Variants in PRKCB observed in about 807,000 individuals in gnomAD.
PRKCB encodes protein kinase C beta type.
A neutral mutation model predicts 81.5 loss-of-function variants in PRKCB; 13 were observed. That is an observed-to-expected ratio of 0.16 (90% CI 0.10 to 0.25). The LOEUF is 0.25. Among genes scored for constraint, PRKCB ranks in the 10% least tolerant of loss-of-function variants. The probability of loss-of-function intolerance (pLI) is 1.00; values close to 1 mark genes in which losing one functional copy is unlikely to be tolerated. For synonymous variants in PRKCB, 335 were observed against 321.4 expected (o/e 1.04, Z -0.45); for missense variants, 509 against 875.7 (o/e 0.58, Z 5.29).
chr16:24,145,424 G>A (rs1249196963), intron 9 of PRKCB, among the ~76,000 whole-genome samples: 1 of 152,126 alleles, frequency 6.6e-6, no homozygotes, highest in Non-Finnish European at 1.5e-5. Flanking sequence ...CCAAAAAAGA[G>A]AGAAAAAGAG....
At chr16:24,105,741 G>A (rs1339122491) in intron 7 of PRKCB, among the ~76,000 whole-genome samples, 1 of 150,104 alleles carries the variant, frequency 6.7e-6, no homozygotes, top group Admixed American at 6.6e-5. Context: ...ATTCCATGGT[G>A]TATATATGCC....
intron 2 of PRKCB, among the ~76,000 whole-genome samples, chr16:23,928,771 T>C (rs1450923505): frequency 6.6e-6 from 1 of 151,800 alleles, no homozygotes; most frequent in East Asian, 1.9e-4. Context: ...CAGGCTGGAG[T>C]GCAATGGCAT....
intron 7 of PRKCB, among the ~76,000 whole-genome samples, chr16:24,095,046 A>G (rs1383681640): frequency 6.6e-6 from 1 of 152,154 alleles, no homozygotes; most frequent in Non-Finnish European, 1.5e-5. Flanking sequence ...CCCTTTAGAC[A>G]GGACATGGAT....
At chr16:24,092,706 C>T (rs1966390070) in intron 5 of PRKCB, 85 bp from the exon 6 acceptor site, 1 of 1,338,966 alleles carries the variant, frequency 7.5e-7, no homozygotes, top group South Asian at 1.4e-5. Flanking sequence ...TGCCAAAGAA[C>T]CTTCCACAAG....
At position 24,150,410 on chromosome 16, in the gene PRKCB, C is replaced by G. The variant is rs951857947; in HGVS notation, c.1066-4274C>G. ...GTATTCTCTGTTGAGGGACCCAGGACTGACTCCTCAGAGTACCCTAATTCA... is the reference window on the plus strand; with the variant it reads ...GTATTCTCTGTTGAGGGACCCAGGAGTGACTCCTCAGAGTACCCTAATTCA... On this transcript the variant is annotated intron_variant, in intron 9 of 16. Coordinates refer to ENST00000643927, the MANE Select transcript of PRKCB (RefSeq NM_002738.7). Among the ~76,000 whole-genome samples, 27 of 152,188 alleles carry G rather than the reference C, an allele frequency of 1.8e-4. 1 individual carries two copies. Among genetic ancestry groups the G allele is most frequent in the African/African-American group, 6.3e-4 (26 of 41,438 alleles).
chr16:23,837,312 G>A (rs1237477738), intron 1 of PRKCB, 63 bp from the exon 2 acceptor site: 4 of 1,600,314 alleles, frequency 2.5e-6, no homozygotes. Flanking sequence ...TGACTCTGTG[G>A]GTAACTAGCT....
At chr16:24,059,891 A>T (rs924866087) in intron 5 of PRKCB, among the ~76,000 whole-genome samples, 2 of 152,188 alleles carry the variant, frequency 1.3e-5, no homozygotes, top group African/African-American at 2.4e-5. Flanking sequence ...GTGCTCTTTC[A>T]GTGGCATAGT....
rs985332570 is a variant in PRKCB at position 23,836,423 on chromosome 16, C to T, written c.173+75C>T. The T allele has an allele frequency of 3.5e-6, 5 of 1,442,216 alleles. No individual in the cohort carries two copies. In the African/African-American group the frequency reaches 6.0e-5, roughly 17 times the overall value. The allele number at this position is 1,442,216 out of a possible 1,614,324, so 89.3% of individuals were successfully genotyped here. A position where few individuals can be genotyped will look rare whatever the true frequency, so the allele number is the denominator to read the frequency against. ...GCGCCAGGGACCCCCTCTCCGCGCC[C>T]TCTGCGCCCTCCGCGCCCTCCGCAC... On this transcript the variant is annotated intron_variant, in intron 1 of 16. Coordinates refer to ENST00000643927, the MANE Select transcript of PRKCB (RefSeq NM_002738.7).
At chr16:24,050,464 G>C (rs997370911) in intron 5 of PRKCB, among the ~76,000 whole-genome samples, 20 of 125,258 alleles carry the variant, frequency 1.6e-4, no homozygotes, top group Admixed American at 6.6e-4. Flanking sequence ...TAGGTTTTAT[G>C]TAACACACAC....
chr16:24,146,478 A>C (rs769543601), intron 9 of PRKCB, among the ~76,000 whole-genome samples: 1 of 152,212 alleles, frequency 6.6e-6, no homozygotes, highest in African/African-American at 2.4e-5. Flanking sequence ...TTCAGAAAAC[A>C]GTGAATTTCT....
intron 9 of PRKCB, among the ~76,000 whole-genome samples, chr16:24,152,116 C>G (rs1967089135): frequency 6.6e-6 from 1 of 152,072 alleles, no homozygotes; most frequent in African/African-American, 2.4e-5. Context: ...TTTCATGCTG[C>G]TGATAAAGAC....
intron 2 of PRKCB, among the ~76,000 whole-genome samples, chr16:23,892,302 C>G (rs1963307995): frequency 6.6e-6 from 1 of 152,118 alleles, no homozygotes; most frequent in South Asian, 2.1e-4. Flanking sequence ...GTGCTTTATG[C>G]CCTAGACTTT....
At chr16:24,208,894 G>A (rs951041119) in intron 16 of PRKCB, among the ~76,000 whole-genome samples, 6 of 152,198 alleles carry the variant, frequency 3.9e-5, no homozygotes, top group Admixed American at 6.5e-5. Flanking sequence ...CTGCTGATTA[G>A]CAGGGAAATC....
chr16:23,861,520 G>A (rs1047025145), intron 2 of PRKCB, among the ~76,000 whole-genome samples: 3 of 152,116 alleles, frequency 2.0e-5, no homozygotes, highest in African/African-American at 7.2e-5. Context: ...GAGGCTGGTG[G>A]TTCCAGGGTT....
intron 10 of PRKCB, among the ~76,000 whole-genome samples, chr16:24,166,352 C>A (rs929774629): frequency 1.4e-4 from 21 of 152,112 alleles, no homozygotes; most frequent in African/African-American, 4.3e-4. Context: ...TGGTAAAGAT[C>A]TTAAAGCTGG....
chr16:24,151,567 C>A, intron 9 of PRKCB: 1 of 292,486 alleles, frequency 3.4e-6, no homozygotes, highest in Non-Finnish European at 6.9e-6. Flanking sequence ...AGGTAGTGGC[C>A]GATTTGGTCT....
intron 2 of PRKCB, among the ~76,000 whole-genome samples, chr16:23,882,006 CT>C (rs757542870): frequency 7.3e-4 from 74 of 101,510 alleles, no homozygotes; most frequent in African/African-American, 2.2e-3. Flanking sequence ...TTCTTTCTTT[CT>C]TTCTTTCTTT....
At chr16:24,072,738 G>T (rs1966126883) in intron 5 of PRKCB, among the ~76,000 whole-genome samples, 1 of 151,864 alleles carries the variant, frequency 6.6e-6, no homozygotes, top group Admixed American at 6.6e-5. Context: ...TGTGCCACCA[G>T]ACCGAGCTAA....
chr16:23,959,271 T>C (rs1366029267), intron 2 of PRKCB, among the ~76,000 whole-genome samples: 1 of 152,224 alleles, frequency 6.6e-6, no homozygotes, highest in Non-Finnish European at 1.5e-5. Flanking sequence ...TTCGTCATCA[T>C]TCTCCTGACC....
Sources: allele counts gnomAD v4.1 joint callset (sites outside exome capture counted in the v4.1 genomes callset), GRCh38; gene constraint gnomAD v4.1.1; transcripts MANE v1.5; gene names NCBI Gene and HGNC (gene_info 2026-07-23, HGNC 2026-07-21).